Variants in AUTS2 observed in about 807,000 individuals in gnomAD.
AUTS2 encodes autism susceptibility gene 2 protein.
Under a neutral mutation model 112.4 loss-of-function variants are expected in AUTS2, and 17 were observed. The ratio of observed to expected loss-of-function variants is 0.15; its 90% CI spans 0.10 to 0.23. The LOEUF is 0.23. AUTS2 is among the 10% of genes least tolerant of loss of function. The pLI is 1.00. For missense variants in AUTS2, 1,510 were observed against 1,701.6 expected (o/e 0.89, Z 1.98); for synonymous variants, 751 against 702.7 (o/e 1.07, Z -1.09).
intron 6 of AUTS2, among the ~76,000 whole-genome samples, chr7:70,746,930 G>A (rs1435441589): frequency 6.6e-6 from 1 of 152,144 alleles, no homozygotes; most frequent in Admixed American, 6.5e-5. Flanking sequence ...TTTAAATAGC[G>A]TCACATAAGC....
At chr7:69,978,393 T>C (rs975547332) in intron 2 of AUTS2, among the ~76,000 whole-genome samples, 1 of 152,206 alleles carries the variant, frequency 6.6e-6, no homozygotes, top group Non-Finnish European at 1.5e-5. Flanking sequence ...GAAAAACTGT[T>C]AGCCATTTCA....
chr7:69,720,686 A>G (rs1441419594), intron 1 of AUTS2, among the ~76,000 whole-genome samples: 2 of 152,174 alleles, frequency 1.3e-5, no homozygotes, highest in African/African-American at 4.8e-5. Flanking sequence ...TAACAGAGGA[A>G]AAATTGGGTA....
intron 2 of AUTS2, among the ~76,000 whole-genome samples, chr7:70,026,716 TAGACATTA>T (rs1220451096): frequency 2.0e-5 from 3 of 152,170 alleles, no homozygotes; most frequent in African/African-American, 7.2e-5. Context: ...TTGAAGGAAA[TAGACATTA>T]ATATATTCTT....
At chr7:70,134,328 G>A (rs1166583824) in intron 3 of AUTS2, among the ~76,000 whole-genome samples, 2 of 152,126 alleles carry the variant, frequency 1.3e-5, no homozygotes, top group Admixed American at 6.6e-5. Flanking sequence ...TAAATAGCAC[G>A]TTAGCATCTC....
intron 5 of AUTS2, among the ~76,000 whole-genome samples, chr7:70,630,470 T>C (rs1433377859): frequency 2.6e-5 from 4 of 152,222 alleles, no homozygotes; most frequent in African/African-American, 9.7e-5. Flanking sequence ...GGCCTGTCAC[T>C]TTAACTGGTT....
chr7:70,172,108 AC>A (rs1002422421), intron 4 of AUTS2, among the ~76,000 whole-genome samples: 2 of 151,522 alleles, frequency 1.3e-5, no homozygotes, highest in Admixed American at 1.3e-4. Flanking sequence ...GCTTTTCCTA[AC>A]CCCCCTGTGT....
At chr7:70,743,570 C>G (rs1333201708) in intron 6 of AUTS2, among the ~76,000 whole-genome samples, 2 of 151,256 alleles carry the variant, frequency 1.3e-5, no homozygotes, top group Non-Finnish European at 2.9e-5. Flanking sequence ...TTAGGGCAGA[C>G]AGAAAATTCT....
chr7:70,377,372 A>ATATATATATG (rs1409919061), intron 4 of AUTS2, among the ~76,000 whole-genome samples: 1 of 115,196 alleles, frequency 8.7e-6, no homozygotes, highest in East Asian at 2.6e-4. Context: ...ATATATATAT[A>ATATATATATG]TAGTGATATA....
chr7:70,666,800 CTT>C (rs1563113388), intron 5 of AUTS2, among the ~76,000 whole-genome samples: 1 of 151,916 alleles, frequency 6.6e-6, no homozygotes, highest in African/African-American at 2.4e-5. Context: ...CTGCTATAGT[CTT>C]TTTGATGGTG....
chr7:70,562,288 T>C (rs1396213764), intron 5 of AUTS2, among the ~76,000 whole-genome samples: 1 of 152,248 alleles, frequency 6.6e-6, no homozygotes, highest in Non-Finnish European at 1.5e-5. Context: ...ACCACTTGGT[T>C]ATCTCCTGGC....
intron 4 of AUTS2, among the ~76,000 whole-genome samples, chr7:70,162,507 G>A (rs961134022): frequency 2.9e-5 from 4 of 136,246 alleles, no homozygotes; most frequent in African/African-American, 5.4e-5. Flanking sequence ...TTTAGTTTGT[G>A]CAACTGATCA....
At chr7:69,875,292 C>G (rs1793681746) in intron 1 of AUTS2, among the ~76,000 whole-genome samples, 1 of 152,120 alleles carries the variant, frequency 6.6e-6, no homozygotes, top group African/African-American at 2.4e-5. Context: ...TACTTTCTCT[C>G]CTGTGTATCT....
At chr7:70,643,741 A>G (rs533802496) in intron 5 of AUTS2, among the ~76,000 whole-genome samples, 3 of 152,144 alleles carry the variant, frequency 2.0e-5, no homozygotes, top group Non-Finnish European at 4.4e-5. Flanking sequence ...TACTAATTGA[A>G]TGTATCATCT....
At chr7:70,327,207 C>T (rs1013992755) in intron 4 of AUTS2, among the ~76,000 whole-genome samples, 4 of 152,024 alleles carry the variant, frequency 2.6e-5, no homozygotes, top group Non-Finnish European at 4.4e-5. Flanking sequence ...TGTAAGCCAC[C>T]GCGCCCGGCC....
chr7:70,487,247 A>G (rs1301482860), intron 5 of AUTS2, among the ~76,000 whole-genome samples: 1 of 151,596 alleles, frequency 6.6e-6, no homozygotes, highest in Non-Finnish European at 1.5e-5. Flanking sequence ...CTCCCAGCCA[A>G]CCCTCCATAG....
At chr7:70,500,046 A>G (rs983009042) in intron 5 of AUTS2, among the ~76,000 whole-genome samples, 9 of 152,064 alleles carry the variant, frequency 5.9e-5, no homozygotes, top group African/African-American at 1.9e-4. Context: ...CAGTGAGTGT[A>G]TATGTTTTAC....
At chr7:70,075,485 A>G (rs1021927476) in intron 2 of AUTS2, among the ~76,000 whole-genome samples, 2 of 152,224 alleles carry the variant, frequency 1.3e-5, no homozygotes, top group Admixed American at 6.5e-5. Flanking sequence ...GAAAACATAA[A>G]CTACAAATAC....
intron 4 of AUTS2, among the ~76,000 whole-genome samples, chr7:70,145,588 G>GA (rs1235395505): frequency 6.6e-6 from 1 of 152,048 alleles, no homozygotes; most frequent in Non-Finnish European, 1.5e-5. Flanking sequence ...ATAGATAAAT[G>GA]AAAAAACTTT....
At chr7:70,420,234 G>A (rs565404263) in intron 4 of AUTS2, among the ~76,000 whole-genome samples, 2 of 152,292 alleles carry the variant, frequency 1.3e-5, no homozygotes, top group South Asian at 2.1e-4. Context: ...GGCAGACAAC[G>A]AGCATGCCTG....
Sources: gnomAD v4.1 joint callset for allele counts (sites outside exome capture counted in the v4.1 genomes callset) on GRCh38, gnomAD v4.1.1 for gene constraint, MANE v1.5 for transcripts, NCBI Gene and HGNC (gene_info 2026-07-23, HGNC 2026-07-21) for gene names.